Variants in GRID2 observed in about 807,000 individuals in gnomAD.
The protein encoded by GRID2 is glutamate receptor ionotropic, delta-2.
Under a neutral mutation model 114.8 loss-of-function variants are expected in GRID2, and 33 were observed. The ratio of observed to expected loss-of-function variants is 0.29; its 90% confidence interval spans 0.22 to 0.38. The LOEUF (loss-of-function observed/expected upper bound fraction) is 0.38, where lower values mean the gene tolerates loss of function less well. Ranked by LOEUF, GRID2 falls within the 10% of genes least tolerant of loss-of-function variation. The pLI is 1.00. For synonymous variants in GRID2, 505 were observed against 449.9 expected (o/e 1.12, Z -1.55); for missense variants, 1,184 against 1,257.7 (o/e 0.94, Z 0.89).
At chr4:93,028,758 A>G (rs575163339) in intron 2 of GRID2, among the ~76,000 whole-genome samples, 2 of 151,892 alleles carry the variant, frequency 1.3e-5, no homozygotes, top group African/African-American at 4.8e-5. Flanking sequence ...CTTTCATTTT[A>G]CTCCAGGCCT....
intron 4 of GRID2, among the ~76,000 whole-genome samples, chr4:93,196,624 A>T (rs1741521352): frequency 6.6e-6 from 1 of 152,154 alleles, no homozygotes; most frequent in African/African-American, 2.4e-5. Context: ...AGCTACTTAT[A>T]ACAGTATACT....
intron 3 of GRID2, among the ~76,000 whole-genome samples, chr4:93,100,171 A>G (rs1045030412): frequency 6.6e-6 from 1 of 151,906 alleles, no homozygotes; most frequent in African/African-American, 2.4e-5. Context: ...TTTATTCATA[A>G]GTAAAATGTT....
chr4:92,318,430 C>T (rs2110121972), intron 1 of GRID2, among the ~76,000 whole-genome samples: 1 of 148,932 alleles, frequency 6.7e-6, no homozygotes, highest in Admixed American at 6.7e-5. Context: ...TTAGGCCCCT[C>T]CATCAGGTAG....
chr4:93,674,511 C>T (rs978279343), intron 14 of GRID2, among the ~76,000 whole-genome samples: 3 of 152,092 alleles, frequency 2.0e-5, no homozygotes, highest in Admixed American at 1.3e-4. Flanking sequence ...TGTATAAGCA[C>T]TCATTAACAT....
intron 1 of GRID2, among the ~76,000 whole-genome samples, chr4:92,499,202 T>G (rs999168032): frequency 6.7e-6 from 1 of 150,224 alleles, no homozygotes; most frequent in African/African-American, 2.5e-5. Context: ...TTTATATTTA[T>G]CATTTGTTCC....
chr4:92,465,304 A>G (rs1032535150), intron 1 of GRID2, among the ~76,000 whole-genome samples: 5 of 152,086 alleles, frequency 3.3e-5, no homozygotes, highest in African/African-American at 1.2e-4. Context: ...GGCAGAGAGA[A>G]CAAGTACAGA....
chr4:92,816,825 G>A (rs999367960), intron 2 of GRID2, among the ~76,000 whole-genome samples: 3 of 152,266 alleles, frequency 2.0e-5, no homozygotes, highest in South Asian at 2.1e-4. Flanking sequence ...AAGCTCTGCT[G>A]TATTGAAAAT....
intron 2 of GRID2, among the ~76,000 whole-genome samples, chr4:93,050,473 T>A (rs189102907): frequency 6.6e-6 from 1 of 151,326 alleles, no homozygotes; most frequent in Admixed American, 6.6e-5. Context: ...GTGGAAACCA[T>A]GAAGTCAGTC....
intron 2 of GRID2, among the ~76,000 whole-genome samples, chr4:92,789,562 G>A (rs1196397709): frequency 1.3e-5 from 2 of 151,514 alleles, no homozygotes; most frequent in Non-Finnish European, 1.5e-5. Flanking sequence ...CTATTGTACT[G>A]TTTACAGTAC....
chr4:93,324,993 G>T (rs971262368), intron 8 of GRID2, among the ~76,000 whole-genome samples: 1 of 152,042 alleles, frequency 6.6e-6, no homozygotes, highest in Non-Finnish European at 1.5e-5. Context: ...ACCAGCTTCT[G>T]GATTCATTGA....
intron 8 of GRID2, among the ~76,000 whole-genome samples, chr4:93,297,705 A>G (rs1754462689): frequency 6.6e-6 from 1 of 152,224 alleles, no homozygotes; most frequent in Admixed American, 6.5e-5. Flanking sequence ...TGCCAGCTAC[A>G]TAGTATTGGC....
intron 8 of GRID2, among the ~76,000 whole-genome samples, chr4:93,352,025 TATC>T (rs1189846883): frequency 6.6e-6 from 1 of 151,990 alleles, no homozygotes; most frequent in Non-Finnish European, 1.5e-5. Flanking sequence ...TAGATACTCT[TATC>T]ATCATTTTAC....
chr4:92,489,789 T>A (rs369229171), intron 1 of GRID2, among the ~76,000 whole-genome samples: 1 of 149,154 alleles, frequency 6.7e-6, no homozygotes, highest in Non-Finnish European at 1.5e-5. Flanking sequence ...GAAGTTGCAG[T>A]GAGCCAAGAT....
chr4:93,011,649 T>G (rs902612902), intron 2 of GRID2, among the ~76,000 whole-genome samples: 5 of 152,106 alleles, frequency 3.3e-5, no homozygotes, highest in Non-Finnish European at 7.4e-5. Context: ...CATGTCACAT[T>G]GACAATTATT....
intron 2 of GRID2, among the ~76,000 whole-genome samples, chr4:92,952,372 AATAG>A (rs1445632795): frequency 1.3e-5 from 2 of 152,232 alleles, no homozygotes; most frequent in Non-Finnish European, 2.9e-5. Flanking sequence ...CATTGAGGAT[AATAG>A]ATCTCTATGA....
intron 14 of GRID2, among the ~76,000 whole-genome samples, chr4:93,751,858 G>T (rs903091188): frequency 6.6e-6 from 1 of 151,998 alleles, no homozygotes; most frequent in Non-Finnish European, 1.5e-5. Flanking sequence ...ATTCCTTGCC[G>T]CCTCCTTATT....
chr4:92,571,537 T>A (rs995734054), intron 1 of GRID2, among the ~76,000 whole-genome samples: 3 of 152,178 alleles, frequency 2.0e-5, no homozygotes. Flanking sequence ...ATGGACCTAA[T>A]AGACATCTAC....
chr4:93,744,169 A>T (rs954492645), intron 14 of GRID2, among the ~76,000 whole-genome samples: 4 of 152,186 alleles, frequency 2.6e-5, no homozygotes, highest in African/African-American at 9.7e-5. Flanking sequence ...TCACCCACGA[A>T]CTCTAATAGT....
chr4:93,432,644 A>G (rs1769526304), intron 10 of GRID2, among the ~76,000 whole-genome samples: 1 of 152,162 alleles, frequency 6.6e-6, no homozygotes, highest in Non-Finnish European at 1.5e-5. Flanking sequence ...TTTCAGGGCA[A>G]TAAAACTATT....
Sources: allele counts gnomAD v4.1 joint callset (sites outside exome capture counted in the v4.1 genomes callset), GRCh38; gene constraint gnomAD v4.1.1; transcripts MANE v1.5; gene names NCBI Gene and HGNC (gene_info 2026-07-23, HGNC 2026-07-21).